MCMDC2: variants seen among roughly 807,000 people sequenced by gnomAD.
The protein encoded by MCMDC2 is minichromosome maintenance domain-containing protein 2.
A neutral mutation model predicts 75.8 loss-of-function variants in MCMDC2; 54 were observed. The observed-to-expected ratio is 0.71, with a 90% CI of 0.57 to 0.89. The LOEUF is 0.89. Among genes scored for constraint, MCMDC2 ranks in the 40% least tolerant of loss-of-function variants. The pLI, the probability that MCMDC2 is intolerant of heterozygous loss-of-function variation, is 0.00. For missense variants in MCMDC2, 656 were observed against 780.4 expected (o/e 0.84, Z 1.90); for synonymous variants, 249 against 274.6 (o/e 0.91, Z 0.92).
intron 7 of MCMDC2, 31 bp from the exon 8 acceptor site, chr8:66,880,818 A>G (rs761682658): frequency 1.3e-6 from 2 of 1,492,326 alleles, no homozygotes; most frequent in South Asian, 2.8e-5. Context: ...TTTAGTGAAT[A>G]TGTATTTTCT....
At position 66,920,503 on chromosome 8, in the gene MCMDC2, G is replaced by A. The variant is rs778466120; in HGVS notation, c.*1334G>A. 3 of 152,160 alleles carry A rather than the reference G, an allele frequency of 2.0e-5. No individual in the cohort carries two copies. The highest frequency in any genetic ancestry group is 4.4e-5 in the Non-Finnish European group (3 of 68,040). The allele number at this position is 152,160 out of a possible 1,614,324, so 9.4% of individuals were successfully genotyped here. A position where few individuals can be genotyped will look rare whatever the true frequency, so the allele number is the denominator to read the frequency against. ...CCCAAAGTGCTAAGACAACAGGTATGAGCCAACACGACTGGCGACTGTAGT... is the reference window on the plus strand; with the variant it reads ...CCCAAAGTGCTAAGACAACAGGTATAAGCCAACACGACTGGCGACTGTAGT... On this transcript the variant is annotated 3_prime_UTR_variant, in exon 15 of 15. Coordinates refer to ENST00000422365, the MANE Select transcript of MCMDC2 (RefSeq NM_173518.5).
chr8:66,895,795 ACT>A (rs1812325969), intron 10 of MCMDC2, among the ~76,000 whole-genome samples: 1 of 151,470 alleles, frequency 6.6e-6, no homozygotes, highest in Non-Finnish European at 1.5e-5. Flanking sequence ...TTCCTCTCTC[ACT>A]CCCACATGGA....
rs796633428 is a variant in MCMDC2, at chr8:66,889,633, C to CA, written c.1074-1224dup. On this transcript the variant is annotated intron_variant, in intron 9 of 14. Coordinates refer to ENST00000422365, the MANE Select transcript of MCMDC2 (RefSeq NM_173518.5). ...GGCAACATGGTGAAACCCGTCTCTCCAAAAAAAACAAAAAATTGAGCCAGG... is the reference window on the plus strand; with the variant it reads ...GGCAACATGGTGAAACCCGTCTCTCCAAAAAAAAACAAAAAATTGAGCCAGG... Among the ~76,000 whole-genome samples the CA allele has an allele frequency of 8.6e-5, 13 of 151,278 alleles. No individual in the cohort carries two copies. The South Asian group carries it at 1.3e-3, about 15-fold the overall frequency.
chr8:66,873,949 G>GT (rs958549947), intron 1 of MCMDC2, 104 bp from the exon 2 acceptor site: 1 of 435,616 alleles, frequency 2.3e-6, no homozygotes, highest in African/African-American at 2.0e-5. Context: ...GGGTAGGAAT[G>GT]TTTTTAAGTT....
At chr8:66,872,819 C>T (rs188698181) in intron 1 of MCMDC2, among the ~76,000 whole-genome samples, 4 of 151,872 alleles carry the variant, frequency 2.6e-5, no homozygotes, top group African/African-American at 4.8e-5. Flanking sequence ...TTAGCTGGGC[C>T]GGGTGACACA....
chr8:66,874,505 C>CT (rs766597700), intron 3 of MCMDC2, 22 bp from the exon 4 acceptor site: 2 of 1,612,464 alleles, frequency 1.2e-6, no homozygotes, highest in Non-Finnish European at 1.7e-6. Context: ...TTTTTGGTAA[C>CT]TTTTTTTGTT....
intron 5 of MCMDC2, 46 bp downstream of exon 5, chr8:66,877,590 C>G (rs1384679604): frequency 7.1e-7 from 1 of 1,408,378 alleles, no homozygotes; most frequent in Non-Finnish European, 9.6e-7. Flanking sequence ...ATTGGCTAGG[C>G]ATGGTGGCTC....
intron 4 of MCMDC2, among the ~76,000 whole-genome samples, 180 bp downstream of exon 4, chr8:66,874,766 T>C (rs529610278): frequency 9.8e-4 from 149 of 152,208 alleles, no homozygotes; most frequent in African/African-American, 3.4e-3. Context: ...ATTAAACACT[T>C]CTTTTTTTTT....
At chr8:66,905,397 A>T in intron 14 of MCMDC2, 62 bp downstream of exon 14, 1 of 1,249,450 alleles carries the variant, frequency 8.0e-7, no homozygotes, top group Non-Finnish European at 1.0e-6. Context: ...AAATATTCTT[A>T]GTTGGTTAAA....
At chr8:66,875,208 AG>A (rs1769070626) in intron 4 of MCMDC2, among the ~76,000 whole-genome samples, 1 of 152,196 alleles carries the variant, frequency 6.6e-6, no homozygotes, top group Non-Finnish European at 1.5e-5. Context: ...ATTATTTTAA[AG>A]CAAATCCCAG....
intron 8 of MCMDC2, among the ~76,000 whole-genome samples, chr8:66,882,789 A>G (rs1361137807): frequency 6.6e-6 from 1 of 152,246 alleles, no homozygotes; most frequent in Non-Finnish European, 1.5e-5. Flanking sequence ...GCTTCTTAAA[A>G]AAACAAAAAT....
intron 14 of MCMDC2, among the ~76,000 whole-genome samples, chr8:66,913,926 T>C (rs1813208263): frequency 7.1e-6 from 1 of 140,374 alleles, no homozygotes; most frequent in Admixed American, 7.7e-5. Flanking sequence ...ATCGTACCAC[T>C]GCCCTCCAGC....
intron 4 of MCMDC2, among the ~76,000 whole-genome samples, chr8:66,875,261 G>A (rs1196969730): frequency 2.0e-5 from 3 of 151,822 alleles, no homozygotes; most frequent in Non-Finnish European, 4.4e-5. Flanking sequence ...GTATCAACCT[G>A]TAAAAATTAT....
chr8:66,883,909 C>G lies in MCMDC2; in HGVS notation c.988C>G (p.Leu330Val), dbSNP rs144829606. 5.6e-5 allele frequency: 91 copies of G among 1,613,968 alleles called. No individual in the cohort carries two copies. The highest frequency in any genetic ancestry group is 7.3e-5 in the Non-Finnish European group (86 of 1,179,962). Residue 330 changes from leucine to valine, a missense_variant, in exon 9 of 15, where the codon CTA becomes GTA. By Grantham distance (32) the Leu-to-Val change is conservative. Transcript: ENST00000422365. ...GCTCAAGCTCTGTTTGTTGATGAGT[C>G]TAGTACAGACAACTGACCGTAACAA... ...NLLKLCLLMS[L>V]VQTTDRNKEL...
intron 14 of MCMDC2, among the ~76,000 whole-genome samples, chr8:66,906,139 T>C (rs757290276): frequency 1.1e-4 from 17 of 152,178 alleles, no homozygotes; most frequent in Non-Finnish European, 2.2e-4. Flanking sequence ...ATGCTTTTGC[T>C]AATAAACACG....
rs1218610119 is a variant in MCMDC2, at chr8:66,883,827, A to G, written c.906A>G (p.Thr302=). 1 of 1,613,844 alleles carries G rather than the reference A, an allele frequency of 6.2e-7. No individual in the cohort carries two copies. The highest frequency in any genetic ancestry group is 2.2e-5 in the East Asian group (1 of 44,880). The change falls in exon 9 of 15, where the codon ACA becomes ACG. Residue 302 remains threonine, a synonymous_variant. Coordinates refer to ENST00000422365, the MANE Select transcript of MCMDC2 (RefSeq NM_173518.5). The part of the protein sequence containing the change: ...SLTSSSCWKF[T]AILANIFASQ... ...CTTCCAGCTCATGCTGGAAGTTTAC[A>G]GCAATACTTGCCAATATCTTTGCAT...
chr8:66,880,378 C>T (rs1811502550), intron 7 of MCMDC2, among the ~76,000 whole-genome samples: 1 of 151,982 alleles, frequency 6.6e-6, no homozygotes, highest in African/African-American at 2.4e-5. Flanking sequence ...GGCAACAGAG[C>T]GAGACTTTGT....
At position 66,874,392 on chromosome 8, in the gene MCMDC2, T is replaced by C. The variant is rs1451900270; in HGVS notation, c.161T>C (p.Leu54Ser). The C allele has an allele frequency of 6.2e-7, 1 of 1,613,744 alleles. No homozygotes were observed. Among genetic ancestry groups the C allele is most frequent in the Non-Finnish European group, 8.5e-7 (1 of 1,179,920 alleles). ...ATAAATCCCTCTGATGTTGTTGAAT[T>C]AGATGCTGAGCTTGGAAATCACATT... is the stretch of plus-strand genomic sequence containing the variant. ...ILINPSDVVE[L>S]DAELGNHILH... The change falls in exon 3 of 15, where the codon TTA becomes TCA. Residue 54 changes from leucine (L) to serine (S), a missense_variant. Physicochemically the swap from Leu to Ser is moderately radical, Grantham distance 145. Coordinates refer to ENST00000422365, the MANE Select transcript of MCMDC2 (RefSeq NM_173518.5).
At chr8:66,902,692 CAAAAAA>C (rs530805303) in intron 13 of MCMDC2, among the ~76,000 whole-genome samples, 22 of 57,222 alleles carry the variant, frequency 3.8e-4, no homozygotes, top group African/African-American at 1.3e-3. Flanking sequence ...GATTCTGTCT[CAAAAAA>C]AAAAAAAAAA....
Sources: allele counts gnomAD v4.1 joint callset (sites outside exome capture counted in the v4.1 genomes callset), GRCh38; gene constraint gnomAD v4.1.1; transcripts MANE v1.5; gene names NCBI Gene and HGNC (gene_info 2026-07-23, HGNC 2026-07-21).